CADM1: variants seen among roughly 807,000 people sequenced by gnomAD.
CADM1 encodes TSLC-1.
Under a neutral mutation model 53.1 loss-of-function variants are expected in CADM1, and 15 were observed. That is an observed-to-expected ratio of 0.28 (90% confidence interval 0.19 to 0.44). The LOEUF (loss-of-function observed/expected upper bound fraction) is 0.44. Ranked by LOEUF, CADM1 falls within the 20% of genes least tolerant of loss-of-function variation. The probability of loss-of-function intolerance (pLI) is 1.00; values close to 1 mark genes in which losing one functional copy is unlikely to be tolerated. For missense variants in CADM1, 434 were observed against 611.3 expected, an observed-to-expected ratio of 0.71 and a Z score of 3.06; for synonymous variants, 281 against 243.0, an observed-to-expected ratio of 1.16 and a Z score of -1.45.
At chr11:115,276,388 T>C (rs1007307430) in intron 1 of CADM1, among the ~76,000 whole-genome samples, 7 of 152,110 alleles carry the variant, frequency 4.6e-5, no homozygotes, top group East Asian at 1.9e-4. Flanking sequence ...AGAGACAGCA[T>C]ATGGGAGAAG....
At chr11:115,332,737 G>C (rs2135221449) in intron 1 of CADM1, among the ~76,000 whole-genome samples, 1 of 152,220 alleles carries the variant, frequency 6.6e-6, no homozygotes, top group African/African-American at 2.4e-5. Context: ...GTAGATTAGA[G>C]TGGTATGACT....
At chr11:115,473,484 G>A (rs1949061374) in intron 1 of CADM1, among the ~76,000 whole-genome samples, 1 of 152,028 alleles carries the variant, frequency 6.6e-6, no homozygotes, top group African/African-American at 2.4e-5. Flanking sequence ...TACCTCAATT[G>A]GCAGAAAGAT....
At chr11:115,485,696 C>T (rs1292237839) in intron 1 of CADM1, among the ~76,000 whole-genome samples, 1 of 152,162 alleles carries the variant, frequency 6.6e-6, no homozygotes, top group Non-Finnish European at 1.5e-5. Context: ...TGTGAGGCCT[C>T]CCCAGTCACA....
At chr11:115,501,243 T>C (rs1370117267) in intron 1 of CADM1, among the ~76,000 whole-genome samples, 1 of 152,192 alleles carries the variant, frequency 6.6e-6, no homozygotes, top group Non-Finnish European at 1.5e-5. Context: ...TTATCAAATC[T>C]ATCACAGACA....
chr11:115,372,478 T>C (rs993340857), intron 1 of CADM1, among the ~76,000 whole-genome samples: 4 of 152,200 alleles, frequency 2.6e-5, no homozygotes, highest in East Asian at 1.9e-4. Context: ...GGTCAAATAA[T>C]TGACCTGAAG....
rs1315784681 is a variant in CADM1 at position 115,429,461 on chromosome 11, TG to T, written c.124+74809del. ...TACTACAAAAATACAAAAAATTATC[TG>T]GGCGTTGCGGTGGGCACCTGTAATC... On this transcript the variant is annotated intron_variant, in intron 1 of 11. Coordinates refer to ENST00000331581, the MANE Select transcript of CADM1 (RefSeq NM_001301043.2). Among the ~76,000 whole-genome samples, 3 of 151,708 alleles carry T rather than the reference TG, an allele frequency of 2.0e-5. No individual in the cohort carries two copies. The East Asian group carries it at 5.8e-4, about 29-fold the overall frequency.
chr11:115,257,029 C>CACAA, intron 1 of CADM1: 1 of 367,360 alleles, frequency 2.7e-6, no homozygotes, highest in South Asian at 2.1e-5. Flanking sequence ...GTTAAGCCCT[C>CACAA]ACAATTGTGC....
At chr11:115,180,182 A>G (rs1939242352) in intron 10 of CADM1, among the ~76,000 whole-genome samples, 1 of 152,234 alleles carries the variant, frequency 6.6e-6, no homozygotes, top group Non-Finnish European at 1.5e-5. Flanking sequence ...CGATATTTCC[A>G]ATTCTGCTCC....
intron 1 of CADM1, among the ~76,000 whole-genome samples, chr11:115,247,912 A>C (rs1942458550): frequency 6.6e-6 from 1 of 152,194 alleles, no homozygotes; most frequent in African/African-American, 2.4e-5. Context: ...TAAAACACTT[A>C]CTGGAAAGAA....
At chr11:115,359,722 TG>T (rs1251815876) in intron 1 of CADM1, among the ~76,000 whole-genome samples, 2 of 152,218 alleles carry the variant, frequency 1.3e-5, no homozygotes, top group Non-Finnish European at 2.9e-5. Flanking sequence ...ACTCAATCTT[TG>T]TTGAATGTTT....
At chr11:115,198,563 A>G in intron 8 of CADM1, 125 bp from the exon 9 acceptor site, 1 of 718,566 alleles carries the variant, frequency 1.4e-6, no homozygotes, top group South Asian at 1.5e-5. Context: ...ACATCGCGTG[A>G]CAAGCAATAA....
At chr11:115,397,714 T>G (rs1160246619) in intron 1 of CADM1, 2 of 84 alleles carry the variant, frequency 0.024, no homozygotes, top group Non-Finnish European at 0.042. Context: ...GACATTGTAC[T>G]CTATCAGTTA....
At chr11:115,179,039 G>A (rs771042384) in intron 10 of CADM1, 14 of 477,024 alleles carry the variant, frequency 2.9e-5, no homozygotes, top group Non-Finnish European at 4.7e-5. Flanking sequence ...GGCAGGGAAG[G>A]AAGAAATAGT....
In CADM1 at chr11:115,174,833, G is replaced by GT. The variant is rs1314245063; in HGVS notation, c.*1640dup. On this transcript the variant is annotated 3_prime_UTR_variant, in exon 12 of 12. Transcript: ENST00000331581. The stretch of plus-strand genomic sequence containing the variant: ...AGTCTGGAGTCTTACCAAACATATG[G>GT]TAAGAGTTTAGTTTCTGTCCTTCAG... 1 of 984,846 alleles carries GT rather than the reference G, an allele frequency of 1.0e-6. No individual in the cohort carries two copies. The highest frequency in any genetic ancestry group is 1.7e-5 in the African/African-American group (1 of 57,258). 61.0% of individuals were successfully genotyped at this position (984,846 alleles called of 1,614,324 possible). A position where few individuals can be genotyped will look rare whatever the true frequency, so the allele number is the denominator to read the frequency against.
At chr11:115,267,681 T>TC (rs1364588022) in intron 1 of CADM1, among the ~76,000 whole-genome samples, 7 of 101,186 alleles carry the variant, frequency 6.9e-5, no homozygotes, top group African/African-American at 3.3e-4. Flanking sequence ...TTGCTTTCTT[T>TC]TTTTTTTTTT....
At chr11:115,178,810 C>T (rs929677782) in intron 10 of CADM1, 35 bp from the exon 11 acceptor site, 7 of 1,612,870 alleles carry the variant, frequency 4.3e-6, no homozygotes, top group Non-Finnish European at 5.9e-6. Context: ...GGATGTAGAG[C>T]TTATTACAAG....
At chr11:115,443,026 T>A (rs866646112) in intron 1 of CADM1, among the ~76,000 whole-genome samples, 5 of 152,268 alleles carry the variant, frequency 3.3e-5, no homozygotes, top group Non-Finnish European at 7.3e-5. Flanking sequence ...GGCATACATC[T>A]GAAGAAAATG....
chr11:115,198,379 G>A, intron 9 of CADM1, 27 bp downstream of exon 9: 2 of 1,577,754 alleles, frequency 1.3e-6, no homozygotes, highest in Non-Finnish European at 1.7e-6. Flanking sequence ...TGCTGAGAAA[G>A]TAGATAAACA....
intron 1 of CADM1, among the ~76,000 whole-genome samples, chr11:115,365,328 A>G (rs186597963): frequency 6.6e-6 from 1 of 152,366 alleles, no homozygotes; most frequent in Admixed American, 6.5e-5. Context: ...AAAAAATACT[A>G]AAGCTGATGT....
Sources: allele counts gnomAD v4.1 joint callset (sites outside exome capture counted in the v4.1 genomes callset), GRCh38; gene constraint gnomAD v4.1.1; transcripts MANE v1.5; gene names NCBI Gene and HGNC (gene_info 2026-07-23, HGNC 2026-07-21).